FLVCR1: variants seen among roughly 807,000 people sequenced by gnomAD.
FLVCR1 encodes FLVCR choline and heme transporter 1, also known as choline/ethanolamine transporter FLVCR1.
FLVCR1 carries 34 observed loss-of-function variants against 53.6 expected under a neutral mutation model. The observed-to-expected ratio is 0.63, with a 90% CI of 0.48 to 0.84. The LOEUF (loss-of-function observed/expected upper bound fraction) is 0.84. Ranked by LOEUF, FLVCR1 falls within the 40% of genes least tolerant of loss-of-function variation. The pLI is 0.00. For missense variants in FLVCR1, 677 were observed against 696.7 expected, an observed-to-expected ratio of 0.97 and a Z score of 0.32; for synonymous variants, 300 against 286.3, an observed-to-expected ratio of 1.05 and a Z score of -0.48.
intron 3 of FLVCR1, among the ~76,000 whole-genome samples, chr1:212,882,330 C>CTGT (rs1664952775): frequency 6.6e-6 from 1 of 152,084 alleles, no homozygotes; most frequent in African/African-American, 2.4e-5. Flanking sequence ...CAAAAAATAT[C>CTGT]AACATGGATA....
In FLVCR1 at chr1:212,860,974, T is replaced by C. The variant is rs906401271; in HGVS notation, c.738+1784T>C. Reference sequence around the variant, plus strand: ...GCTTGCTAACTGTCCTCCCTATCTGTAGCCCTTGCTGTCTTCCCTCTGTTC... The same window carrying C: ...GCTTGCTAACTGTCCTCCCTATCTGCAGCCCTTGCTGTCTTCCCTCTGTTC... On this transcript the variant is annotated intron_variant, in intron 1 of 9. Coordinates refer to ENST00000366971, the MANE Select transcript of FLVCR1 (RefSeq NM_014053.4). 3.3e-5 allele frequency among the ~76,000 whole-genome samples: 5 copies of C among 152,218 alleles called. No individual in the cohort carries two copies. The South Asian group carries it at 1.0e-3, about 31-fold the overall frequency.
chr1:212,892,931 T>G (rs1217261201), intron 8 of FLVCR1, among the ~76,000 whole-genome samples: 2 of 152,112 alleles, frequency 1.3e-5, no homozygotes, highest in East Asian at 3.8e-4. Flanking sequence ...GTTCAAGACT[T>G]CAGTGGAGGA....
intron 1 of FLVCR1, among the ~76,000 whole-genome samples, chr1:212,861,667 A>T (rs1664243845): frequency 6.6e-6 from 1 of 151,172 alleles, no homozygotes; most frequent in African/African-American, 2.4e-5. Flanking sequence ...TTTTATTTTT[A>T]TTTATTTATT....
chr1:212,891,134 C>A (rs1176619463), intron 8 of FLVCR1, among the ~76,000 whole-genome samples: 5 of 152,118 alleles, frequency 3.3e-5, no homozygotes, highest in Non-Finnish European at 7.3e-5. Context: ...ATTGGCTGGA[C>A]GTGGTGGCTC....
intron 2 of FLVCR1, among the ~76,000 whole-genome samples, chr1:212,867,204 C>T (rs887923757): frequency 1.3e-5 from 2 of 152,228 alleles, no homozygotes; most frequent in African/African-American, 4.8e-5. Flanking sequence ...TCCTCTCCCT[C>T]ATGGAGCTTA....
chr1:212,895,079 T>C (rs764030961), intron 9 of FLVCR1, 26 bp downstream of exon 9: 3 of 1,410,856 alleles, frequency 2.1e-6, no homozygotes, highest in Admixed American at 3.3e-5. Context: ...ATGATTATAC[T>C]GTTGAGAAGT....
intron 2 of FLVCR1, among the ~76,000 whole-genome samples, chr1:212,868,056 G>T (rs1233423101): frequency 2.0e-5 from 3 of 152,050 alleles, no homozygotes; most frequent in Admixed American, 6.6e-5. Context: ...GCCCACCTCA[G>T]CCTCTCAAAG....
intron 3 of FLVCR1, among the ~76,000 whole-genome samples, chr1:212,875,746 C>G (rs1017270677): frequency 1.3e-4 from 19 of 151,046 alleles, no homozygotes; most frequent in African/African-American, 4.4e-4. Flanking sequence ...GAGGCTGAGG[C>G]AGGAGAATCG....
At position 212,889,218 on chromosome 1, in the gene FLVCR1, T is replaced by C. The variant is rs1170603083; in HGVS notation, c.1486T>C (p.Phe496Leu). ...SDYGPKAGNI[F>L]LCVWMFIGII... The stretch of plus-strand genomic sequence containing the variant: ...CTATGGTCCTAAGGCAGGGAACATT[T>C]TTCTCTGTGTCTGGATGTTTATAGG... The change falls in exon 8 of 10, where the codon TTT (phenylalanine) becomes CTT (leucine). Residue 496 changes from phenylalanine (F) to leucine (L), a missense_variant. Physicochemically the swap from Phe to Leu is conservative, Grantham distance 22. Coordinates refer to ENST00000366971, the MANE Select transcript of FLVCR1 (RefSeq NM_014053.4). The C allele has an allele frequency of 6.2e-7, 1 of 1,613,872 alleles. No homozygotes were observed. Among genetic ancestry groups the C allele is most frequent in the Admixed American group, 1.7e-5 (1 of 60,016 alleles).
intron 3 of FLVCR1, among the ~76,000 whole-genome samples, chr1:212,874,526 CTTTTTTTTTTTT>C (rs61497441): frequency 1.7e-5 from 2 of 120,880 alleles, no homozygotes; most frequent in Admixed American, 9.3e-5. Context: ...TTCTTTTTTT[CTTTTTTTTTTTT>C]TTTTTTTTGA....
Position 212,858,287 on chromosome 1 carries a change from G to A in FLVCR1, c.-166G>A. The A allele has an allele frequency of 5.8e-6, 4 of 687,028 alleles. No individual in the cohort carries two copies. The highest frequency in any genetic ancestry group is 9.2e-6 in the Non-Finnish European group (4 of 435,382). The allele number at this position is 687,028 out of a possible 1,614,324, so 42.6% of individuals were successfully genotyped here. ...GGCGCGGGGGAGGAGACCTTCATCT[G>A]TTCACGCGGTAGCGCGGATTGCGGT... is the stretch of plus-strand genomic sequence containing the variant. On this transcript the variant is annotated 5_prime_UTR_variant, in exon 1 of 10. Transcript: ENST00000366971.
intron 3 of FLVCR1, among the ~76,000 whole-genome samples, chr1:212,880,663 T>C (rs942681704): frequency 6.6e-6 from 1 of 152,104 alleles, no homozygotes. Context: ...CCAGGTGTGT[T>C]GGTGGGCACC....
At chr1:212,867,023 A>C (rs1177913445) in intron 2 of FLVCR1, among the ~76,000 whole-genome samples, 1 of 152,266 alleles carries the variant, frequency 6.6e-6, no homozygotes, top group East Asian at 1.9e-4. Context: ...AATTACTAAA[A>C]GGTGATTTTA....
intron 1 of FLVCR1, among the ~76,000 whole-genome samples, chr1:212,860,220 T>C (rs1664180454): frequency 6.6e-6 from 1 of 152,212 alleles, no homozygotes; most frequent in Admixed American, 6.5e-5. Flanking sequence ...TCATTTCCCT[T>C]ATCTAAAAGT....
intron 5 of FLVCR1, among the ~76,000 whole-genome samples, chr1:212,887,021 T>A (rs749934470): frequency 6.6e-6 from 1 of 152,172 alleles, no homozygotes; most frequent in Non-Finnish European, 1.5e-5. Flanking sequence ...TATTAAGGAA[T>A]AAATGAATGA....
chr1:212,874,306 C>A (rs916472042), intron 3 of FLVCR1, among the ~76,000 whole-genome samples: 6 of 152,192 alleles, frequency 3.9e-5, no homozygotes, highest in Admixed American at 1.3e-4. Context: ...AAATGCCCGG[C>A]CTTTCCTGGA....
intron 7 of FLVCR1, among the ~76,000 whole-genome samples, chr1:212,888,856 T>C (rs530209838): frequency 2.9e-4 from 44 of 152,152 alleles, no homozygotes; most frequent in Middle Eastern, 3.4e-3. Context: ...AGCTAAATTT[T>C]TTTTGTTATT....
At chr1:212,889,000 GT>G in intron 7 of FLVCR1, 145 bp from the exon 8 acceptor site, 1 of 663,210 alleles carries the variant, frequency 1.5e-6, no homozygotes, top group Non-Finnish European at 2.6e-6. Context: ...CCTGACCGTG[GT>G]TTTTGTTTTA....
chr1:212,860,326 A>G (rs141993389), intron 1 of FLVCR1, among the ~76,000 whole-genome samples: 7 of 126,674 alleles, frequency 5.5e-5, no homozygotes, highest in Admixed American at 7.9e-5. Flanking sequence ...GACAGAAGCT[A>G]TTATAAAGTT....
Sources: allele counts gnomAD v4.1 joint callset (sites outside exome capture counted in the v4.1 genomes callset), GRCh38; gene constraint gnomAD v4.1.1; transcripts MANE v1.5; gene names NCBI Gene and HGNC (gene_info 2026-07-23, HGNC 2026-07-21).